The following PHACTR1 variants were observed in gnomAD, a reference collection of about 807,000 sequenced individuals.
PHACTR1 encodes the protein phosphatase and actin regulator 1.
PHACTR1 carries 16 observed loss-of-function variants against 69.2 expected under a neutral mutation model. The ratio of observed to expected loss-of-function variants is 0.23; its 90% CI spans 0.16 to 0.35. The LOEUF (loss-of-function observed/expected upper bound fraction) is 0.35. Ranked by LOEUF, PHACTR1 falls within the 10% of genes least tolerant of loss-of-function variation. PHACTR1 has a pLI of 1.00. For missense variants in PHACTR1, 510 were observed against 734.7 expected, an observed-to-expected ratio of 0.69 and a Z score of 3.54; for synonymous variants, 312 against 284.5, an observed-to-expected ratio of 1.10 and a Z score of -0.97.
intron 10 of PHACTR1, among the ~76,000 whole-genome samples, chr6:13,259,181 C>A (rs1775583372): frequency 6.6e-6 from 1 of 152,160 alleles, no homozygotes; most frequent in South Asian, 2.1e-4. Context: ...TAATTAACTA[C>A]CTTAATTTCT....
At chr6:13,032,548 C>T (rs912729473) in intron 4 of PHACTR1, among the ~76,000 whole-genome samples, 1 of 151,972 alleles carries the variant, frequency 6.6e-6, no homozygotes, top group Non-Finnish European at 1.5e-5. Context: ...TATCCCTGTG[C>T]CTTATATATT....
At chr6:13,055,595 A>G (rs1221731160) in intron 5 of PHACTR1, among the ~76,000 whole-genome samples, 4 of 152,226 alleles carry the variant, frequency 2.6e-5, no homozygotes, top group African/African-American at 9.6e-5. Context: ...GTTTGTACAC[A>G]CATTTCGGTA....
intron 5 of PHACTR1, among the ~76,000 whole-genome samples, chr6:13,126,809 A>G (rs1487302257): frequency 1.3e-5 from 2 of 152,252 alleles, no homozygotes; most frequent in African/African-American, 4.8e-5. Context: ...GCTCAGGTCT[A>G]TTGGACTACA....
intron 10 of PHACTR1, among the ~76,000 whole-genome samples, chr6:13,238,881 TC>T (rs1306213886): frequency 3.9e-5 from 6 of 152,072 alleles, no homozygotes; most frequent in African/African-American, 1.4e-4. Context: ...TTACTTAGTG[TC>T]CCTGGATACG....
At chr6:12,771,492 A>G (rs1561867202) in intron 4 of PHACTR1, among the ~76,000 whole-genome samples, 1 of 152,220 alleles carries the variant, frequency 6.6e-6, no homozygotes, top group Non-Finnish European at 1.5e-5. Context: ...AGAAATATTC[A>G]TCCTCACTAA....
chr6:12,840,658 G>A (rs920497301), intron 4 of PHACTR1, among the ~76,000 whole-genome samples: 3 of 151,986 alleles, frequency 2.0e-5, no homozygotes, highest in Admixed American at 1.3e-4. Context: ...GATAGAAATG[G>A]GTAATTTAGA....
chr6:12,832,242 G>A (rs747454555), intron 4 of PHACTR1, among the ~76,000 whole-genome samples: 8 of 152,170 alleles, frequency 5.3e-5, no homozygotes, highest in East Asian at 1.9e-4. Context: ...TGAAATTCCA[G>A]GGTACAGCAC....
chr6:13,269,184 C>T (rs1777256675), intron 10 of PHACTR1, among the ~76,000 whole-genome samples: 1 of 152,216 alleles, frequency 6.6e-6, no homozygotes, highest in South Asian at 2.1e-4. Context: ...AACATTCTGC[C>T]CCCAAAACTT....
At chr6:13,272,611 G>C (rs1777977006) in intron 10 of PHACTR1, 1 of 1,164,368 alleles carries the variant, frequency 8.6e-7, no homozygotes. Context: ...GGAGGAGATG[G>C]GGCTGGGGAG....
chr6:13,189,800 G>A (rs1206713618), intron 7 of PHACTR1, among the ~76,000 whole-genome samples: 1 of 152,098 alleles, frequency 6.6e-6, no homozygotes, highest in African/African-American at 2.4e-5. Flanking sequence ...GTTTTTAAAA[G>A]TTGTGTTATT....
intron 5 of PHACTR1, among the ~76,000 whole-genome samples, chr6:13,132,487 T>C (rs1244040722): frequency 1.3e-5 from 2 of 152,190 alleles, no homozygotes; most frequent in Non-Finnish European, 2.9e-5. Context: ...TTACTAAGTG[T>C]CTATTCACGA....
chr6:12,876,061 C>A (rs1257883049), intron 4 of PHACTR1, among the ~76,000 whole-genome samples: 2 of 152,066 alleles, frequency 1.3e-5, no homozygotes, highest in Admixed American at 6.6e-5. Flanking sequence ...ATAAAGAGAA[C>A]AAAAGGCTGT....
chr6:12,928,475 C>G (rs537010168), intron 4 of PHACTR1, among the ~76,000 whole-genome samples: 4 of 152,276 alleles, frequency 2.6e-5, no homozygotes, highest in African/African-American at 9.6e-5. Flanking sequence ...CTTCAGAATC[C>G]TGGTTTAATT....
intron 7 of PHACTR1, among the ~76,000 whole-genome samples, chr6:13,188,369 TG>T: frequency 6.6e-6 from 1 of 152,360 alleles, no homozygotes; most frequent in Middle Eastern, 3.4e-3. Context: ...TGAAGACATC[TG>T]GGCCATGTCA....
At chr6:12,734,466 A>G (rs1763982104) in intron 3 of PHACTR1, among the ~76,000 whole-genome samples, 1 of 152,136 alleles carries the variant, frequency 6.6e-6, no homozygotes, top group Non-Finnish European at 1.5e-5. Context: ...GTCCCATCTT[A>G]TAGATGTGTA....
rs1028787678 is a variant in PHACTR1 at position 13,059,489 on chromosome 6, CACACAA to C, written c.415+5962_415+5967del. Among the ~76,000 whole-genome samples, 28 of 148,690 alleles carry C rather than the reference CACACAA, an allele frequency of 1.9e-4. No individual in the cohort carries two copies. The East Asian group carries it at 2.4e-3, about 13-fold the overall frequency. On this transcript the variant is annotated intron_variant, in intron 5 of 14. Coordinates refer to ENST00000332995, the MANE Select transcript of PHACTR1 (RefSeq NM_030948.6). ...ACACACACACACACACACACACACA[CACACAA>C]AACCCACAGAGGAACACAAGGGAAC...
At chr6:13,160,678 G>A (rs923567565) in intron 6 of PHACTR1, among the ~76,000 whole-genome samples, 6 of 152,072 alleles carry the variant, frequency 3.9e-5, no homozygotes, top group Admixed American at 6.5e-5. Context: ...TACTCATCTA[G>A]GATTTCCTTA....
intron 8 of PHACTR1, among the ~76,000 whole-genome samples, chr6:13,218,442 G>A (rs1768011515): frequency 6.6e-6 from 1 of 152,198 alleles, no homozygotes; most frequent in Non-Finnish European, 1.5e-5. Flanking sequence ...ATGAAAGACT[G>A]AAAGTAAAGT....
intron 4 of PHACTR1, among the ~76,000 whole-genome samples, chr6:12,944,777 A>ATTTATTTTTTTTTTTTTTT (rs1554172498): frequency 2.9e-5 from 4 of 135,764 alleles, no homozygotes; most frequent in African/African-American, 8.7e-5. Flanking sequence ...TTATTTATTT[A>ATTTATTTTTTTTTTTTTTT]TTTTTATTTA....
Sources: allele counts gnomAD v4.1 joint callset (sites outside exome capture counted in the v4.1 genomes callset), GRCh38; gene constraint gnomAD v4.1.1; transcripts MANE v1.5; gene names NCBI Gene and HGNC (gene_info 2026-07-23, HGNC 2026-07-21).